Variants in ACER1 observed in about 807,000 individuals in gnomAD.
ACER1 encodes the protein alkaline ceramidase 1.
ACER1 carries 28 observed loss-of-function variants against 24.9 expected under a neutral mutation model. The ratio of observed to expected loss-of-function variants is 1.13; its 90% CI spans 0.83 to 1.54. The LOEUF is 1.54. ACER1 is among the 40% of genes most tolerant of loss of function. The probability of loss-of-function intolerance (pLI) is 0.00; values close to 1 mark genes in which losing one functional copy is unlikely to be tolerated. For synonymous variants in ACER1, 132 were observed against 131.4 expected (o/e 1.00, Z -0.03); for missense variants, 352 against 349.3 (o/e 1.01, Z -0.06).
the ACER1 span, among the ~76,000 whole-genome samples, chr19:6,345,985 C>T: frequency 6.6e-6 from 1 of 152,034 alleles, no homozygotes; most frequent in African/African-American, 2.4e-5. Context: ...ACCTCAGCCT[C>T]CCAAGCTGCT....
At chr19:6,311,695 A>G (rs2091582744) in intron 3 of ACER1, among the ~76,000 whole-genome samples, 1 of 152,048 alleles carries the variant, frequency 6.6e-6, no homozygotes, top group Non-Finnish European at 1.5e-5. Context: ...GAGGTGGAAA[A>G]GTAGAAGGAG....
chr19:6,312,565 TC>T, intron 1 of ACER1, 66 bp from the exon 2 acceptor site: 1 of 1,282,138 alleles, frequency 7.8e-7, no homozygotes, highest in Non-Finnish European at 1.1e-6. Context: ...CTGCCCTCTG[TC>T]CAGACACTCA....
chr19:6,323,508 C>A (rs897252956), intron 1 of ACER1, among the ~76,000 whole-genome samples: 1 of 152,176 alleles, frequency 6.6e-6, no homozygotes, highest in Non-Finnish European at 1.5e-5. Context: ...TAAGATGTGA[C>A]TTGCTCCTCC....
chr19:6,350,665 TGGAA>T, the ACER1 span, among the ~76,000 whole-genome samples: 6 of 143,448 alleles, frequency 4.2e-5, no homozygotes, highest in Non-Finnish European at 7.6e-5. Flanking sequence ...GAGGGAAGGA[TGGAA>T]GGAAGGAAGG....
chr19:6,334,951 A>AATT (rs911550564), upstream of ACER1, among the ~76,000 whole-genome samples: 7 of 148,916 alleles, frequency 4.7e-5, no homozygotes, highest in African/African-American at 1.2e-4. Context: ...GAATAATAAT[A>AATT]ATTATTATTA....
upstream of ACER1, among the ~76,000 whole-genome samples, chr19:6,338,238 C>T (rs1214272601): frequency 2.0e-5 from 3 of 152,166 alleles, no homozygotes; most frequent in African/African-American, 7.2e-5. Context: ...GCAATCTTCT[C>T]ACCTTCGCCT....
intron 1 of ACER1, among the ~76,000 whole-genome samples, chr19:6,323,396 G>A (rs1241576762): frequency 6.6e-6 from 1 of 151,722 alleles, no homozygotes; most frequent in Non-Finnish European, 1.5e-5. Flanking sequence ...ACTCCAGCCT[G>A]GGTGACAGCG....
At chr19:6,352,219 T>C in the ACER1 span, among the ~76,000 whole-genome samples, 2 of 152,130 alleles carry the variant, frequency 1.3e-5, no homozygotes, top group African/African-American at 4.8e-5. Context: ...GTCTATTTCA[T>C]CTCCTCTTCC....
chr19:6,344,721 T>A, the ACER1 span, among the ~76,000 whole-genome samples: 4 of 152,004 alleles, frequency 2.6e-5, no homozygotes, highest in Non-Finnish European at 4.4e-5. Flanking sequence ...TTTCAATGCA[T>A]CTAGGTAAAT....
chr19:6,317,135 G>A (rs892847838), intron 1 of ACER1, among the ~76,000 whole-genome samples: 26 of 151,712 alleles, frequency 1.7e-4, no homozygotes, highest in African/African-American at 4.6e-4. Context: ...CACCATACCC[G>A]GCTAACTTTT....
chr19:6,346,616 A>G, the ACER1 span, among the ~76,000 whole-genome samples: 1 of 148,094 alleles, frequency 6.8e-6, no homozygotes, highest in South Asian at 2.1e-4. Context: ...TCCTGGCTGG[A>G]GCAATCATCA....
At chr19:6,312,555 C>A (rs1257450297) in intron 1 of ACER1, 56 bp from the exon 2 acceptor site, 3 of 1,420,858 alleles carry the variant, frequency 2.1e-6, no homozygotes, top group Non-Finnish European at 3.0e-6. Flanking sequence ...ACGGAGGAGG[C>A]TGCCCTCTGT....
upstream of ACER1, among the ~76,000 whole-genome samples, chr19:6,337,499 G>C (rs2091718674): frequency 1.3e-5 from 2 of 149,320 alleles, no homozygotes; most frequent in Non-Finnish European, 3.0e-5. Context: ...TGTCCCCCAG[G>C]CTGGAGTGCA....
chr19:6,356,928 T>G, the ACER1 span, among the ~76,000 whole-genome samples: 26 of 151,732 alleles, frequency 1.7e-4, no homozygotes, highest in South Asian at 4.2e-4. Context: ...CAATTGTTTA[T>G]GATGAAAGTC....
chr19:6,331,434 C>G (rs2091686512), intron 1 of ACER1, among the ~76,000 whole-genome samples: 1 of 144,442 alleles, frequency 6.9e-6, no homozygotes, highest in African/African-American at 2.6e-5. Context: ...CAGGCGTGAG[C>G]CATAGCACCC....
At chr19:6,349,440 G>GGAA in the ACER1 span, among the ~76,000 whole-genome samples, 1 of 128,810 alleles carries the variant, frequency 7.8e-6, no homozygotes, top group Admixed American at 7.4e-5. Flanking sequence ...AAAGAAGGAA[G>GGAA]GGAGGAAAGA....
At chr19:6,314,275 G>T (rs990601741) in intron 1 of ACER1, among the ~76,000 whole-genome samples, 5 of 151,718 alleles carry the variant, frequency 3.3e-5, no homozygotes, top group African/African-American at 1.2e-4. Context: ...TTTGAAACCA[G>T]CCAGGGCAAC....
At chr19:6,323,113 AAAAC>A (rs2091639306) in intron 1 of ACER1, among the ~76,000 whole-genome samples, 1 of 151,722 alleles carries the variant, frequency 6.6e-6, no homozygotes, top group Admixed American at 6.6e-5. Flanking sequence ...ACTCTGTCTC[AAAAC>A]AAACAAACAA....
At chr19:6,355,064 A>G in the ACER1 span, among the ~76,000 whole-genome samples, 3 of 152,002 alleles carry the variant, frequency 2.0e-5, no homozygotes, top group Non-Finnish European at 4.4e-5. Flanking sequence ...AGTGCGAGTG[A>G]TCCGCCAGCC....
Sources: allele counts gnomAD v4.1 joint callset (sites outside exome capture counted in the v4.1 genomes callset), GRCh38; gene constraint gnomAD v4.1.1; transcripts MANE v1.5; gene names NCBI Gene and HGNC (gene_info 2026-07-23, HGNC 2026-07-21).